The following DNAH6 variants were observed in gnomAD, a reference collection of about 807,000 sequenced individuals.
DNAH6 encodes dynein axonemal heavy chain 6.
In DNAH6, 340 loss-of-function variants were observed where a neutral mutation model predicts 491.4. The observed-to-expected ratio is 0.69, with a 90% CI of 0.63 to 0.76. The LOEUF (loss-of-function observed/expected upper bound fraction) is 0.76, where lower values mean the gene tolerates loss of function less well. DNAH6 is among the 30% of genes least tolerant of loss of function. The pLI, the probability that DNAH6 is intolerant of heterozygous loss-of-function variation, is 0.00. For missense variants in DNAH6, 4,443 were observed against 4,972.2 expected, an observed-to-expected ratio of 0.89 and a Z score of 3.20; for synonymous variants, 1,603 against 1,686.1, an observed-to-expected ratio of 0.95 and a Z score of 1.21.
chr2:84,550,119 C>A (rs545169743), intron 9 of DNAH6, 62 bp downstream of exon 9: 4 of 1,285,408 alleles, frequency 3.1e-6, no homozygotes, highest in Non-Finnish European at 4.4e-6. Context: ...GTGCAAACTA[C>A]GCTCTATGAA....
chr2:84,728,292 C>T (rs184370002), intron 61 of DNAH6, among the ~76,000 whole-genome samples: 1 of 152,318 alleles, frequency 6.6e-6, no homozygotes, highest in African/African-American at 2.4e-5. Context: ...AGCATGAAAA[C>T]AGAATAATAC....
chr2:84,673,668 G>A (rs886508122), intron 40 of DNAH6, among the ~76,000 whole-genome samples: 1 of 152,214 alleles, frequency 6.6e-6, no homozygotes, highest in South Asian at 2.1e-4. Context: ...CTTGGAGTCC[G>A]ATGTTCAAGG....
In DNAH6 at chr2:84,704,052, T is replaced by C. The variant is rs776648551; in HGVS notation, c.8230-15T>C. The C allele has an allele frequency of 1.9e-6, 3 of 1,545,100 alleles. 1 individual carries two copies. Among genetic ancestry groups the C allele is most frequent in the South Asian group, 2.4e-5 (2 of 83,388 alleles). On this transcript the variant is annotated splice_polypyrimidine_tract_variant and intron_variant, in intron 50 of 76. Coordinates refer to ENST00000389394, the MANE Select transcript of DNAH6 (RefSeq NM_001370.2). ...AATAATGAGGCCACTTAAGCAGTCATGTTTCAATGGTTAGGTCCGTAACAC... is the reference window on the plus strand; with the variant it reads ...AATAATGAGGCCACTTAAGCAGTCACGTTTCAATGGTTAGGTCCGTAACAC...
chr2:84,808,668 C>A (rs1369957198), intron 72 of DNAH6, 126 bp downstream of exon 72: 3 of 881,854 alleles, frequency 3.4e-6, no homozygotes, highest in Non-Finnish European at 5.2e-6. Context: ...ACTCTTCAAG[C>A]CCAATGAGTC....
intron 64 of DNAH6, among the ~76,000 whole-genome samples, chr2:84,780,389 G>A (rs922046070): frequency 6.6e-6 from 1 of 152,014 alleles, no homozygotes; most frequent in African/African-American, 2.4e-5. Context: ...GACAGTCTTT[G>A]AGCTCTGAAA....
intron 8 of DNAH6, 85 bp downstream of exon 8, chr2:84,548,502 G>A (rs1679014794): frequency 6.7e-7 from 1 of 1,491,852 alleles, no homozygotes. Context: ...TGATGACTAT[G>A]TTAATTTGCA....
intron 16 of DNAH6, among the ~76,000 whole-genome samples, chr2:84,592,915 T>C (rs903197043): frequency 3.9e-5 from 6 of 152,116 alleles, no homozygotes; most frequent in African/African-American, 1.4e-4. Context: ...AATGGTGGTT[T>C]CCAGAGGCTG....
chr2:84,628,011 T>C (rs996967276), intron 29 of DNAH6, among the ~76,000 whole-genome samples: 1 of 152,198 alleles, frequency 6.6e-6, no homozygotes, highest in African/African-American at 2.4e-5. Context: ...CTCCTTGGCA[T>C]TGAGAACTTT....
At chr2:84,532,263 C>A (rs1677246791) in intron 4 of DNAH6, among the ~76,000 whole-genome samples, 1 of 152,102 alleles carries the variant, frequency 6.6e-6, no homozygotes, top group Admixed American at 6.6e-5. Flanking sequence ...TTTGGACTCA[C>A]AGAAGTGACG....
In DNAH6 at chr2:84,596,141, A is replaced by G. The variant is rs188742554; in HGVS notation, c.2868+352A>G. ...TGTCCAATCGGCCTTGTCCATTTGC[A>G]TCAGTGCACCACACAACTATGCCAT... On this transcript the variant is annotated intron_variant, in intron 18 of 76. Transcript: ENST00000389394. Among the ~76,000 whole-genome samples the G allele has an allele frequency of 4.3e-3, 658 of 152,264 alleles. 5 individuals are homozygous for G. Among genetic ancestry groups the G allele is most frequent in the African/African-American group, 0.015 (635 of 41,552 alleles).
intron 29 of DNAH6, among the ~76,000 whole-genome samples, chr2:84,627,918 G>T (rs186920157): frequency 7.8e-4 from 118 of 152,224 alleles, no homozygotes; most frequent in Admixed American, 1.3e-3. Flanking sequence ...CTTATTGAAA[G>T]GTTACTGAGA....
chr2:84,785,202 T>A (rs1171595235), intron 66 of DNAH6, among the ~76,000 whole-genome samples: 3 of 152,214 alleles, frequency 2.0e-5, no homozygotes, highest in Non-Finnish European at 4.4e-5. Context: ...CCTCTGCATA[T>A]GAGGAACAAG....
intron 8 of DNAH6, among the ~76,000 whole-genome samples, chr2:84,549,185 A>G (rs1679084941): frequency 6.6e-6 from 1 of 152,218 alleles, no homozygotes; most frequent in Non-Finnish European, 1.5e-5. Flanking sequence ...GAACTATAAA[A>G]TACTGATTAT....
intron 38 of DNAH6, 31 bp downstream of exon 38, chr2:84,669,541 C>T (rs1023962710): frequency 6.6e-7 from 1 of 1,519,316 alleles, no homozygotes; most frequent in Non-Finnish European, 8.9e-7. Flanking sequence ...AAGAAGTCCT[C>T]TCCAAATGTG....
intron 33 of DNAH6, among the ~76,000 whole-genome samples, chr2:84,651,023 T>C (rs553946722): frequency 4.3e-4 from 65 of 152,326 alleles, no homozygotes; most frequent in African/African-American, 1.4e-3. Flanking sequence ...CAGTCATTTC[T>C]GCTGTGTAGG....
At chr2:84,801,484 G>A (rs1678905926) in intron 70 of DNAH6, among the ~76,000 whole-genome samples, 2 of 152,054 alleles carry the variant, frequency 1.3e-5, no homozygotes, top group African/African-American at 4.8e-5. Context: ...AGAGAAAAGG[G>A]CTATATTACC....
intron 13 of DNAH6, among the ~76,000 whole-genome samples, chr2:84,578,335 CT>C (rs1232145299): frequency 6.6e-6 from 1 of 152,226 alleles, no homozygotes; most frequent in South Asian, 2.1e-4. Context: ...TCAACAAGCA[CT>C]TTTTAGCTAC....
chr2:84,525,474 C>A, intron 2 of DNAH6, 91 bp from the exon 3 acceptor site: 1 of 1,292,924 alleles, frequency 7.7e-7, no homozygotes, highest in Non-Finnish European at 1.1e-6. Context: ...AGATCAATTT[C>A]CAACAGGAGA....
chr2:84,554,553 T>C lies in DNAH6; in HGVS notation c.1602+1519T>C, dbSNP rs545181221. Among the ~76,000 whole-genome samples, 7 of 152,336 alleles carry C rather than the reference T, an allele frequency of 4.6e-5. No individual in the cohort carries two copies. In the South Asian group the frequency reaches 1.4e-3, roughly 32 times the overall value. ...AGTCCTGCCTTTACAATTAATAAGC[T>C]ATTTGACTTTAGGAAAACCGCTTCT... On this transcript the variant is annotated intron_variant, in intron 10 of 76. Coordinates refer to ENST00000389394, the MANE Select transcript of DNAH6 (RefSeq NM_001370.2).
Sources: gnomAD v4.1 joint callset for allele counts (sites outside exome capture counted in the v4.1 genomes callset) on GRCh38, gnomAD v4.1.1 for gene constraint, MANE v1.5 for transcripts, NCBI Gene and HGNC (gene_info 2026-07-23, HGNC 2026-07-21) for gene names.